The following OTOGL variants were observed in gnomAD, a reference collection of about 807,000 sequenced individuals.
The protein encoded by OTOGL is otogelin like.
A neutral mutation model predicts 318.5 loss-of-function variants in OTOGL; 285 were observed. The observed-to-expected ratio is 0.89, with a 90% confidence interval of 0.81 to 0.99. OTOGL has a LOEUF of 0.99. Ranked by LOEUF, OTOGL falls within the 50% of genes least tolerant of loss-of-function variation. OTOGL has a pLI of 0.00. For synonymous variants in OTOGL, 987 were observed against 936.5 expected (o/e 1.05, Z -0.99); for missense variants, 2,899 against 2,845.6 (o/e 1.02, Z -0.43).
intron 1 of OTOGL, among the ~76,000 whole-genome samples, chr12:80,101,504 A>G (rs564888386): frequency 6.6e-6 from 1 of 152,308 alleles, no homozygotes; most frequent in South Asian, 2.1e-4. Context: ...ATGTTCTATC[A>G]CAACTGCATT....
intron 1 of OTOGL, among the ~76,000 whole-genome samples, chr12:80,142,340 T>A (rs944483482): frequency 6.6e-6 from 1 of 152,104 alleles, no homozygotes; most frequent in Non-Finnish European, 1.5e-5. Context: ...GTGGCACAGA[T>A]GTATAGAAAG....
chr12:80,191,832 T>C lies in OTOGL; in HGVS notation c.-19-17581T>C, dbSNP rs369077176. 5.9e-5 allele frequency among the ~76,000 whole-genome samples: 9 copies of C among 152,310 alleles called. No homozygotes were observed. In the East Asian group the frequency reaches 9.7e-4, roughly 16 times the overall value. On this transcript the variant is annotated intron_variant, in intron 1 of 58. Coordinates refer to ENST00000547103, the MANE Select transcript of OTOGL (RefSeq NM_001378609.3). ...ACAAATCATCTCGCTCTCTTGTGAA[T>C]GGCAAGAGAGGAACTAGAGACTGCT...
chr12:80,263,688 T>A (rs1882725460), intron 19 of OTOGL, among the ~76,000 whole-genome samples: 1 of 142,234 alleles, frequency 7.0e-6, no homozygotes, highest in African/African-American at 2.9e-5. Context: ...TGAACTGTGA[T>A]TTTTTTTTAA....
At chr12:80,169,815 A>C (rs1399544459) in intron 1 of OTOGL, among the ~76,000 whole-genome samples, 1 of 152,216 alleles carries the variant, frequency 6.6e-6, no homozygotes, top group Admixed American at 6.5e-5. Context: ...TTAGCAGGAC[A>C]CATCTGTCCT....
Position 80,378,229 on chromosome 12 carries a change from T to A in OTOGL, c.*181T>A. 1 of 520,368 alleles carries A rather than the reference T, an allele frequency of 1.9e-6. No individual in the cohort carries two copies. Among genetic ancestry groups the A allele is most frequent in the Non-Finnish European group, 3.4e-6 (1 of 298,306 alleles). The allele number at this position is 520,368 out of a possible 1,614,324, so 32.2% of individuals were successfully genotyped here. A position where few individuals can be genotyped will look rare whatever the true frequency, so the allele number is the denominator to read the frequency against. On this transcript the variant is annotated 3_prime_UTR_variant, in exon 59 of 59. Transcript: ENST00000547103. ...TACAGTTTCAATAGCAAAATTAAAT[T>A]TATTGCTTTACTCTATTTTAGAAAA...
intron 26 of OTOGL, among the ~76,000 whole-genome samples, chr12:80,285,168 G>T (rs569524697): frequency 1.1e-3 from 161 of 152,056 alleles, no homozygotes; most frequent in Non-Finnish European, 1.6e-3. Flanking sequence ...TGTCAGATTT[G>T]TCAAAGATCA....
At chr12:80,103,258 G>C (rs1307158524) in intron 1 of OTOGL, 1 of 1,537,768 alleles carries the variant, frequency 6.5e-7, no homozygotes, top group Non-Finnish European at 9.0e-7. Flanking sequence ...ATCTTCCTTC[G>C]AATGTGGGAA....
chr12:80,247,264 A>G (rs1880996779), intron 11 of OTOGL, among the ~76,000 whole-genome samples: 1 of 148,778 alleles, frequency 6.7e-6, no homozygotes, highest in Admixed American at 6.6e-5. Context: ...TTAGGCTGTC[A>G]ATTTTGGATC....
intron 1 of OTOGL, among the ~76,000 whole-genome samples, chr12:80,187,036 C>G (rs1350640775): frequency 6.6e-6 from 1 of 152,130 alleles, no homozygotes; most frequent in Non-Finnish European, 1.5e-5. Context: ...GTATAGAAAA[C>G]TTGGAACTCG....
intron 26 of OTOGL, among the ~76,000 whole-genome samples, chr12:80,281,902 G>A (rs931575027): frequency 6.6e-6 from 1 of 151,604 alleles, no homozygotes; most frequent in Non-Finnish European, 1.5e-5. Context: ...TTATTAACTT[G>A]GTTTGGTGAA....
chr12:80,369,345 A>G (rs756662272), intron 55 of OTOGL, among the ~76,000 whole-genome samples: 6 of 152,012 alleles, frequency 3.9e-5, no homozygotes, highest in African/African-American at 1.4e-4. Context: ...AAAATCCTTT[A>G]AGATTATATC....
At chr12:80,364,835 A>G (rs1007939834) in intron 52 of OTOGL, among the ~76,000 whole-genome samples, 10 of 152,118 alleles carry the variant, frequency 6.6e-5, no homozygotes, top group African/African-American at 1.7e-4. Flanking sequence ...TATCTTGGAC[A>G]TTTATCCAAG....
chr12:80,113,520 A>G (rs1208485867), intron 1 of OTOGL, among the ~76,000 whole-genome samples: 1 of 152,182 alleles, frequency 6.6e-6, no homozygotes, highest in African/African-American at 2.4e-5. Flanking sequence ...CCCAGTAGTC[A>G]TTCAGAAACA....
chr12:80,138,083 AGAT>A (rs1355578218), intron 1 of OTOGL, among the ~76,000 whole-genome samples: 1 of 152,196 alleles, frequency 6.6e-6, no homozygotes, highest in African/African-American at 2.4e-5. Flanking sequence ...TAATTAAGTT[AGAT>A]GTCTTTTTTT....
chr12:80,346,749 G>A (rs1288024009), intron 44 of OTOGL, among the ~76,000 whole-genome samples: 1 of 152,198 alleles, frequency 6.6e-6, no homozygotes, highest in African/African-American at 2.4e-5. Context: ...TGGGAAGCAA[G>A]TGAGGACAGC....
chr12:80,328,881 A>T, intron 36 of OTOGL, 137 bp downstream of exon 36: 1 of 1,041,710 alleles, frequency 9.6e-7, no homozygotes, highest in Non-Finnish European at 1.4e-6. Flanking sequence ...TCTCTTACAT[A>T]GCTTTTTTTC....
At chr12:80,347,684 T>G (rs1889283439) in intron 44 of OTOGL, among the ~76,000 whole-genome samples, 1 of 152,196 alleles carries the variant, frequency 6.6e-6, no homozygotes, top group Non-Finnish European at 1.5e-5. Context: ...TCTAGATCCT[T>G]GAGGAATTGC....
At position 80,318,572 on chromosome 12, in the gene OTOGL, G is replaced by A; in HGVS notation, c.3661G>A (p.Ala1221Thr). 7.2e-7 allele frequency: 1 copy of A among 1,379,388 alleles called. No individual in the cohort carries two copies. Among genetic ancestry groups the A allele is most frequent in the Non-Finnish European group, 9.4e-7 (1 of 1,064,288 alleles). 85.4% of individuals were successfully genotyped at this position (1,379,388 alleles called of 1,614,324 possible). Reference protein sequence around the residue: ...EGLGEGPYMLASYGQSGLVLG... With the variant: ...EGLGEGPYMLTSYGQSGLVLG... ...ACTTGGAGAAGGACCATATATGCTG[G>A]CAAGCTATGGGCAGAGTGGCCTTGT... The change falls in exon 33 of 59, where the codon GCA becomes ACA. Residue 1221 changes from alanine to threonine, a missense_variant. Ala to Thr is a moderately conservative substitution (Grantham distance 58, BLOSUM62 0). Coordinates refer to ENST00000547103, the MANE Select transcript of OTOGL (RefSeq NM_001378609.3).
At chr12:80,288,214 T>G (rs569891923) in intron 26 of OTOGL, among the ~76,000 whole-genome samples, 2 of 152,332 alleles carry the variant, frequency 1.3e-5, no homozygotes, top group East Asian at 3.9e-4. Context: ...TTAAGAATGT[T>G]GAATATTGGC....
Sources: allele counts gnomAD v4.1 joint callset (sites outside exome capture counted in the v4.1 genomes callset), GRCh38; gene constraint gnomAD v4.1.1; transcripts MANE v1.5; gene names NCBI Gene and HGNC (gene_info 2026-07-23, HGNC 2026-07-21).